LTBP4: variants seen among roughly 807,000 people sequenced by gnomAD.
LTBP4 encodes the protein latent-transforming growth factor beta-binding protein 4.
A neutral mutation model predicts 180.2 loss-of-function variants in LTBP4; 93 were observed. That is an observed-to-expected ratio of 0.52 (90% CI 0.44 to 0.61). LTBP4 has a LOEUF of 0.61. Ranked by LOEUF, LTBP4 falls within the 20% of genes least tolerant of loss-of-function variation. LTBP4 has a pLI of 0.00. For missense variants in LTBP4, 2,116 were observed against 2,256.5 expected (o/e 0.94, Z 1.26); for synonymous variants, 947 against 934.5 (o/e 1.01, Z -0.24).
At chr19:40,610,303 T>C in intron 11 of LTBP4, 1 of 560,840 alleles carries the variant, frequency 1.8e-6, no homozygotes, top group Non-Finnish European at 3.1e-6. Flanking sequence ...CTACCCCACC[T>C]TCCCTTAGCT....
In LTBP4 at chr19:40,617,372, G is replaced by A. The variant is rs368192865; in HGVS notation, c.3070+147G>A. 1.0e-4 allele frequency: 122 copies of A among 1,166,854 alleles called. No individual in the cohort carries two copies. The African/African-American group carries it at 1.3e-3, about 12-fold the overall frequency. The allele number at this position is 1,166,854 out of a possible 1,614,324, so 72.3% of individuals were successfully genotyped here. On this transcript the variant is annotated intron_variant, in intron 21 of 29. Transcript: ENST00000396819. ...ATAAGATCATCTTCATGCCAGGCAC[G>A]GTGGCTCACGCCTGTAATCCCAGTA... is the stretch of plus-strand genomic sequence containing the variant.
At chr19:40,616,400 G>A (rs564430062) in intron 19 of LTBP4, among the ~76,000 whole-genome samples, 1 of 151,576 alleles carries the variant, frequency 6.6e-6, no homozygotes, top group African/African-American at 2.4e-5. Flanking sequence ...TCACCAGCCT[G>A]GCCAATATGA....
At chr19:40,612,303 C>A (rs1463860749) in intron 15 of LTBP4, 111 bp downstream of exon 15, 2 of 1,391,672 alleles carry the variant, frequency 1.4e-6, no homozygotes, top group African/African-American at 2.9e-5. Context: ...CTCAGTCCCT[C>A]AGTCCCCAGA....
At chr19:40,597,421 T>C (rs1271089009), upstream of LTBP4, 2 of 1,460,170 alleles carry the variant, frequency 1.4e-6, no homozygotes, top group South Asian at 2.6e-5. Flanking sequence ...ACCCAATAAG[T>C]CTGGTGGTCC....
intron 18 of LTBP4, 96 bp from the exon 19 acceptor site, chr19:40,614,218 TC>T: frequency 6.7e-7 from 1 of 1,499,868 alleles, no homozygotes; most frequent in Non-Finnish European, 9.1e-7. Context: ...CTCCTCTGCT[TC>T]CCCGGCCTCC....
Position 40,619,330 on chromosome 19 carries a change from T to A in LTBP4, c.3071-17T>A, listed in dbSNP as rs2081570263. ...ATAACCACTGAGTCCCTCTCCCCTG[T>A]TGTCTCCTGCTTACAGATGTGAACG... On this transcript the variant is annotated splice_polypyrimidine_tract_variant and intron_variant, in intron 21 of 29. Coordinates refer to ENST00000396819, the MANE Select transcript of LTBP4 (RefSeq NM_001042545.2). 1.9e-6 allele frequency: 3 copies of A among 1,611,802 alleles called. No individual in the cohort carries two copies. The African/African-American group carries it at 4.0e-5, about 22-fold the overall frequency.
chr19:40,611,116 G>T lies in LTBP4; in HGVS notation c.1811-36G>T. On this transcript the variant is annotated intron_variant, in intron 12 of 29. Coordinates refer to ENST00000396819, the MANE Select transcript of LTBP4 (RefSeq NM_001042545.2). This position sits in a 1 kb window ranked among gnomAD's most constrained non-coding sequence, Gnocchi z 4.4. ...AGTGACAGAGGTCAGGGAGGCAGAGGGGAACAAGTGACCCCGGGCCCCCTG... is the reference window on the plus strand; with the variant it reads ...AGTGACAGAGGTCAGGGAGGCAGAGTGGAACAAGTGACCCCGGGCCCCCTG... 1 of 1,609,434 alleles carries T rather than the reference G, an allele frequency of 6.2e-7. No homozygotes were observed. Among genetic ancestry groups the T allele is most frequent in the South Asian group, 1.1e-5 (1 of 90,916 alleles).
At chr19:40,599,764 T>C, upstream of LTBP4, 1 of 587,202 alleles carries the variant, frequency 1.7e-6, no homozygotes, top group African/African-American at 1.9e-5. Flanking sequence ...TTTCTGTCTC[T>C]TTCTGTTTCT....
chr19:40,613,905 C>G lies in LTBP4; in HGVS notation c.2558-11C>G. 6.2e-7 allele frequency: 1 copy of G among 1,613,504 alleles called. No individual in the cohort carries two copies. Among genetic ancestry groups the G allele is most frequent in the African/African-American group, 1.3e-5 (1 of 75,024 alleles). The stretch of plus-strand genomic sequence containing the variant: ...GAGGTGGGCCGGGCCTTCGGACGCC[C>G]TGTCCCGCAGACGTTGACGAGTGCA... On this transcript the variant is annotated splice_polypyrimidine_tract_variant and intron_variant, in intron 17 of 29. Transcript: ENST00000396819. This position sits in a 1 kb window ranked among gnomAD's most constrained non-coding sequence, Gnocchi z 5.0.
Position 40,606,274 on chromosome 19 carries a change from A to C in LTBP4, c.835A>C (p.Thr279Pro). 6.2e-7 allele frequency: 1 copy of C among 1,600,634 alleles called. No individual in the cohort carries two copies. Among genetic ancestry groups the C allele is most frequent in the African/African-American group, 1.3e-5 (1 of 74,836 alleles). ...GAGCGCCCCAGATGGACCTTGTCCA[A>C]CCGGCTTTGAAAGAGTTAATGGGTC... ...RVSAPDGPCP[T>P]GFERVNGSCE... The change falls in exon 5 of 30, where the codon ACC becomes CCC. Residue 279 changes from threonine (T) to proline (P), a missense_variant. Thr to Pro is a conservative substitution (Grantham distance 38). Around this residue, in one of 5 missense-constraint regions of LTBP4, gnomAD observed 469 missense variants for 532.5 expected, o/e 0.88. Transcript: ENST00000396819.
At position 40,608,360 on chromosome 19, in the gene LTBP4, C is replaced by A. The variant is rs1223200374; in HGVS notation, c.1297C>A (p.Pro433Thr). ...QPRTLPATSR[P>T]SAGFLPTHRL... is the part of the protein sequence containing the mutation. The stretch of plus-strand genomic sequence containing the variant: ...TCGTACCCTGCCAGCCACCTCTCGG[C>A]CATCTGCAGGTGAGCTGGCTCTGGC... Residue 433 changes from proline to threonine, a missense_variant, in exon 8 of 30, where the codon CCA (proline) becomes ACA (threonine). Coordinates refer to ENST00000396819, the MANE Select transcript of LTBP4 (RefSeq NM_001042545.2). The A allele has an allele frequency of 7.4e-6, 12 of 1,612,640 alleles. No homozygotes were observed. Among genetic ancestry groups the A allele is most frequent in the Non-Finnish European group, 6.8e-6 (8 of 1,179,362 alleles).
Position 40,613,900 on chromosome 19 carries a change from A to T in LTBP4, c.2558-16A>T. 6.2e-7 allele frequency: 1 copy of T among 1,613,274 alleles called. No individual in the cohort carries two copies. The highest frequency in any genetic ancestry group is 8.5e-7 in the Non-Finnish European group (1 of 1,179,744). ...AGCGGGAGGTGGGCCGGGCCTTCGG[A>T]CGCCCTGTCCCGCAGACGTTGACGA... On this transcript the variant is annotated splice_polypyrimidine_tract_variant and intron_variant, in intron 17 of 29. Coordinates refer to ENST00000396819, the MANE Select transcript of LTBP4 (RefSeq NM_001042545.2). The surrounding 1 kb of genome is among the most constrained non-coding windows in gnomAD (Gnocchi z 5.0).
chr19:40,621,310 T>C (rs1209709566), intron 22 of LTBP4, among the ~76,000 whole-genome samples: 1 of 152,164 alleles, frequency 6.6e-6, no homozygotes, highest in Non-Finnish European at 1.5e-5. Context: ...GCAACTATTG[T>C]GGGCATCTTT....
chr19:40,615,866 G>C (rs897190687), intron 19 of LTBP4, among the ~76,000 whole-genome samples: 5 of 152,218 alleles, frequency 3.3e-5, no homozygotes, highest in African/African-American at 1.2e-4. Flanking sequence ...TGTAGAGTTT[G>C]TATTCTAGAG....
chr19:40,609,464 T>G lies in LTBP4; in HGVS notation c.1427-66T>G. On this transcript the variant is annotated intron_variant, in intron 9 of 29. Transcript: ENST00000396819. The surrounding 1 kb of genome is among the most constrained non-coding windows in gnomAD (Gnocchi z 4.9). ...TTATGGATGTCTCCGGGGGTGGGGG[T>G]TTTACTGGGATGAAAGGAACGGAGG... The G allele has an allele frequency of 2.5e-6, 4 of 1,574,368 alleles. No homozygotes were observed. Among genetic ancestry groups the G allele is most frequent in the Admixed American group, 1.7e-5 (1 of 57,730 alleles).
chr19:40,605,709 C>A lies in LTBP4; in HGVS notation c.691-20C>A, dbSNP rs1568403091. 1 of 1,547,462 alleles carries A rather than the reference C, an allele frequency of 6.5e-7. No individual in the cohort carries two copies. Among genetic ancestry groups the A allele is most frequent in the Non-Finnish European group, 8.7e-7 (1 of 1,146,368 alleles). ...GCTTGCCTCCGCGCGGGGGCGCGCT[C>A]ACCCAACACTTCCCCGCAGTGCGCG... is the stretch of plus-strand genomic sequence containing the variant. On this transcript the variant is annotated intron_variant, in intron 3 of 29. Coordinates refer to ENST00000396819, the MANE Select transcript of LTBP4 (RefSeq NM_001042545.2). This position sits in a 1 kb window ranked among gnomAD's most constrained non-coding sequence, Gnocchi z 5.5.
chr19:40,599,239 G>A (rs1365423937), upstream of LTBP4: 2 of 1,613,296 alleles, frequency 1.2e-6, no homozygotes, highest in Non-Finnish European at 1.7e-6. Context: ...CGTCTAGGAG[G>A]AGCCGCTGCA....
In LTBP4 at chr19:40,609,746, A is replaced by G. The variant is rs1006387600; in HGVS notation, c.1559A>G (p.Asp520Gly). 3 of 1,612,054 alleles carry G rather than the reference A, an allele frequency of 1.9e-6. No homozygotes were observed. In the African/African-American group the frequency reaches 4.0e-5, roughly 22 times the overall value. Residue 520 changes from aspartate to glycine, a missense_variant and splice_region_variant, in exon 11 of 30, where the codon GAT becomes GGT. By Grantham distance (94) the Asp-to-Gly change is moderately conservative. Transcript: ENST00000396819. The surrounding 1 kb of genome is among the most constrained non-coding windows in gnomAD (Gnocchi z 4.9). ...RLSPQGTRCI[D>G]VDECRRVPPP... ...TCACCAGCCCCCTCCGTGTCCTCAG[A>G]TGTGGACGAATGTCGCCGCGTGCCC...
Position 40,605,305 on chromosome 19 carries a change from T to C in LTBP4, c.442+79T>C. On this transcript the variant is annotated intron_variant, in intron 2 of 29. Coordinates refer to ENST00000396819, the MANE Select transcript of LTBP4 (RefSeq NM_001042545.2). The surrounding 1 kb of genome is among the most constrained non-coding windows in gnomAD (Gnocchi z 5.5). The stretch of plus-strand genomic sequence containing the variant: ...GCCCCTGACCCTCATATTTCCCGCC[T>C]TCCCGAGCACCTTTGCCCAGCTCGC... 1 of 1,564,710 alleles carries C rather than the reference T, an allele frequency of 6.4e-7. No homozygotes were observed. The highest frequency in any genetic ancestry group is 8.7e-7 in the Non-Finnish European group (1 of 1,153,040).
Sources: gnomAD v4.1 joint callset for allele counts (sites outside exome capture counted in the v4.1 genomes callset) on GRCh38, gnomAD v4.1.1 for gene constraint, gnomAD v4.1.1 regional missense constraint, Gnocchi (gnomAD v3.1) non-coding constraint, MANE v1.5 for transcripts, NCBI Gene and HGNC (gene_info 2026-07-23, HGNC 2026-07-21) for gene names.